Variants in FRMD4B observed in about 807,000 individuals in gnomAD.
The protein encoded by FRMD4B is FERM domain-containing protein 4B.
Under a neutral mutation model 141.5 loss-of-function variants are expected in FRMD4B, and 74 were observed. The observed-to-expected ratio is 0.52, with a 90% CI of 0.43 to 0.63. The LOEUF is 0.63. FRMD4B is among the 30% of genes least tolerant of loss of function. The pLI, the probability that FRMD4B is intolerant of heterozygous loss-of-function variation, is 0.00. For synonymous variants in FRMD4B, 506 were observed against 467.9 expected, an observed-to-expected ratio of 1.08 and a Z score of -1.05; for missense variants, 1,366 against 1,253.4, an observed-to-expected ratio of 1.09 and a Z score of -1.36.
intron 1 of FRMD4B, among the ~76,000 whole-genome samples, chr3:69,473,322 G>C (rs760395664): frequency 6.6e-6 from 1 of 152,088 alleles, no homozygotes; most frequent in Non-Finnish European, 1.5e-5. Flanking sequence ...ACTCTACCAA[G>C]TCAACTCTTC....
intron 5 of FRMD4B, among the ~76,000 whole-genome samples, chr3:69,257,908 C>G (rs2093502818): frequency 1.3e-5 from 2 of 152,282 alleles, no homozygotes; most frequent in South Asian, 4.1e-4. Flanking sequence ...CTCACTGCAG[C>G]CTCTGCCTCC....
chr3:69,414,870 T>G (rs1575794068), intron 2 of FRMD4B, among the ~76,000 whole-genome samples: 1 of 148,102 alleles, frequency 6.8e-6, no homozygotes, highest in South Asian at 2.2e-4. Context: ...TGTTTTTTTT[T>G]TTTTTTTTTT....
intron 11 of FRMD4B, among the ~76,000 whole-genome samples, chr3:69,214,654 T>C (rs960299914): frequency 6.6e-6 from 1 of 151,722 alleles, no homozygotes; most frequent in South Asian, 2.1e-4. Flanking sequence ...AGCCCAGGAG[T>C]TCAAGACCAG....
chr3:69,335,627 C>T (rs1219950180), intron 1 of FRMD4B, among the ~76,000 whole-genome samples: 2 of 151,886 alleles, frequency 1.3e-5, no homozygotes, highest in East Asian at 2.0e-4. Context: ...CATAATTGCA[C>T]TCTTAAGGAG....
intron 1 of FRMD4B, among the ~76,000 whole-genome samples, chr3:69,448,675 AG>A (rs990211792): frequency 6.6e-6 from 1 of 152,234 alleles, no homozygotes; most frequent in Non-Finnish European, 1.5e-5. Context: ...ACTTCTGCAA[AG>A]GGCAATTTGA....
At chr3:69,302,067 G>T (rs927052031) in intron 4 of FRMD4B, among the ~76,000 whole-genome samples, 1 of 152,136 alleles carries the variant, frequency 6.6e-6, no homozygotes, top group Non-Finnish European at 1.5e-5. Context: ...ATGTTTTTCA[G>T]CTTTAAATTG....
At chr3:69,264,681 AAAAT>A (rs2106879966) in intron 5 of FRMD4B, among the ~76,000 whole-genome samples, 1 of 152,376 alleles carries the variant, frequency 6.6e-6, no homozygotes, top group Non-Finnish European at 1.5e-5. Context: ...AAGTAGCAGG[AAAAT>A]AAATAATATC....
intron 1 of FRMD4B, chr3:69,536,769 CAG>C (rs1008880411): frequency 2.3e-5 from 11 of 484,406 alleles, no homozygotes; most frequent in African/African-American, 4.0e-5. Context: ...TTTTTTGAGA[CAG>C]AGTCTTGCTC....
At chr3:69,339,394 G>T (rs1014839383) in intron 1 of FRMD4B, among the ~76,000 whole-genome samples, 1 of 152,060 alleles carries the variant, frequency 6.6e-6, no homozygotes, top group African/African-American at 2.4e-5. Context: ...TGGGACTTTG[G>T]GCAAGTCATT....
rs116821393 is a variant in FRMD4B, at chr3:69,260,444, G to A, written c.502-10345C>T. 8.5e-3 allele frequency among the ~76,000 whole-genome samples: 1,294 copies of A among 152,324 alleles called. 23 individuals are homozygous for A. Among genetic ancestry groups the A allele is most frequent in the African/African-American group, 0.03 (1,234 of 41,576 alleles). ...CCAGCAGCTGCGGAGGGTGCACCGGGTCCCCCAGCACTGCTGGCCCACCTG... is the reference window on the plus strand; with the variant it reads ...CCAGCAGCTGCGGAGGGTGCACCGGATCCCCCAGCACTGCTGGCCCACCTG... On this transcript the variant is annotated intron_variant, in intron 5 of 22. Coordinates refer to ENST00000398540, the MANE Select transcript of FRMD4B (RefSeq NM_015123.3).
At chr3:69,405,920 A>G (rs1458314624) in intron 2 of FRMD4B, among the ~76,000 whole-genome samples, 1 of 152,202 alleles carries the variant, frequency 6.6e-6, no homozygotes, top group Non-Finnish European at 1.5e-5. Context: ...GTCATTTCAA[A>G]TAATATTTTG....
At chr3:69,325,175 T>C (rs1460060726) in intron 1 of FRMD4B, among the ~76,000 whole-genome samples, 1 of 152,050 alleles carries the variant, frequency 6.6e-6, no homozygotes, top group African/African-American at 2.4e-5. Flanking sequence ...CTGCTCTTGG[T>C]CAAGTGGCTC....
At chr3:69,267,183 G>A (rs1482489109) in intron 5 of FRMD4B, among the ~76,000 whole-genome samples, 1 of 152,162 alleles carries the variant, frequency 6.6e-6, no homozygotes, top group Non-Finnish European at 1.5e-5. Flanking sequence ...ACATGTGTTT[G>A]GAACCAGTGA....
intron 1 of FRMD4B, among the ~76,000 whole-genome samples, chr3:69,382,180 C>T (rs989510219): frequency 2.0e-5 from 3 of 152,210 alleles, no homozygotes; most frequent in African/African-American, 7.2e-5. Context: ...GCTAGGATTA[C>T]AGGCATGTGC....
At chr3:69,272,502 G>A (rs753323071) in intron 5 of FRMD4B, among the ~76,000 whole-genome samples, 1 of 152,090 alleles carries the variant, frequency 6.6e-6, no homozygotes, top group Non-Finnish European at 1.5e-5. Context: ...TACAACATTC[G>A]ATTTCTGTTA....
intron 1 of FRMD4B, among the ~76,000 whole-genome samples, chr3:69,329,517 T>TTTTG (rs1491470288): frequency 0.032 from 601 of 18,654 alleles, 25 homozygotes; most frequent in African/African-American, 0.18. Context: ...GCCCAGCTAA[T>TTTTG]TTTTTTTTTT....
chr3:69,443,138 T>A (rs1705364900), intron 1 of FRMD4B, among the ~76,000 whole-genome samples: 1 of 152,144 alleles, frequency 6.6e-6, no homozygotes, highest in Admixed American at 6.5e-5. Context: ...GTTGGAAATT[T>A]CAGTCCCACC....
At chr3:69,343,129 A>T (rs1559817905) in intron 1 of FRMD4B, among the ~76,000 whole-genome samples, 2 of 151,844 alleles carry the variant, frequency 1.3e-5, no homozygotes, top group Admixed American at 1.3e-4. Context: ...AATTTTTAAA[A>T]TTTTTGTAGA....
chr3:69,495,635 A>G (rs1334802703), intron 1 of FRMD4B, among the ~76,000 whole-genome samples: 1 of 152,220 alleles, frequency 6.6e-6, no homozygotes, highest in African/African-American at 2.4e-5. Context: ...TGAATTATTC[A>G]TCTGTAAAAT....
Sources: gnomAD v4.1 joint callset for allele counts (sites outside exome capture counted in the v4.1 genomes callset) on GRCh38, gnomAD v4.1.1 for gene constraint, MANE v1.5 for transcripts, NCBI Gene and HGNC (gene_info 2026-07-23, HGNC 2026-07-21) for gene names.